Variants in MCTP1 observed in about 807,000 individuals in gnomAD.
MCTP1 encodes the protein multiple C2 and transmembrane domain-containing protein 1.
Under a neutral mutation model 120.6 loss-of-function variants are expected in MCTP1, and 69 were observed. The ratio of observed to expected loss-of-function variants is 0.57; its 90% confidence interval spans 0.47 to 0.70. The LOEUF is 0.70. Among genes scored for constraint, MCTP1 ranks in the 30% least tolerant of loss-of-function variants. MCTP1 has a pLI of 0.00. For synonymous variants in MCTP1, 529 were observed against 493.1 expected (o/e 1.07, Z -0.96); for missense variants, 1,203 against 1,248.8 (o/e 0.96, Z 0.55).
intron 20 of MCTP1, among the ~76,000 whole-genome samples, 167 bp downstream of exon 20, chr5:94,714,610 A>G (rs1332955287): frequency 3.3e-5 from 5 of 152,220 alleles, no homozygotes; most frequent in African/African-American, 1.2e-4. Context: ...CAGAACTTTC[A>G]TAAAGCCAAA....
intron 2 of MCTP1, among the ~76,000 whole-genome samples, chr5:94,964,518 T>A (rs899169094): frequency 2.0e-5 from 3 of 152,196 alleles, no homozygotes; most frequent in Non-Finnish European, 2.9e-5. Context: ...TTGCCCTATA[T>A]TTGTAGGTGC....
intron 1 of MCTP1, among the ~76,000 whole-genome samples, chr5:95,251,829 C>T (rs1757412150): frequency 6.6e-6 from 1 of 151,984 alleles, no homozygotes; most frequent in South Asian, 2.1e-4. Flanking sequence ...CTATTATCCA[C>T]AATTAATAGA....
At chr5:95,074,399 G>C (rs2152272762) in intron 1 of MCTP1, among the ~76,000 whole-genome samples, 1 of 152,302 alleles carries the variant, frequency 6.6e-6, no homozygotes, top group South Asian at 2.1e-4. Flanking sequence ...CAACTCCTAG[G>C]GCATTACTAC....
At chr5:94,837,838 A>C (rs1411534323) in intron 17 of MCTP1, among the ~76,000 whole-genome samples, 2 of 152,220 alleles carry the variant, frequency 1.3e-5, no homozygotes, top group Non-Finnish European at 2.9e-5. Flanking sequence ...CTTCATGCTC[A>C]CATAAGGCTA....
chr5:94,904,135 C>A (rs1381732519), intron 10 of MCTP1, among the ~76,000 whole-genome samples: 1 of 152,204 alleles, frequency 6.6e-6, no homozygotes, highest in Non-Finnish European at 1.5e-5. Context: ...ATTTGTTGTT[C>A]AAACTTGCAA....
At chr5:94,993,621 C>A (rs1275770758) in intron 2 of MCTP1, among the ~76,000 whole-genome samples, 5 of 152,142 alleles carry the variant, frequency 3.3e-5, no homozygotes, top group Non-Finnish European at 7.4e-5. Flanking sequence ...CTCTAAATGG[C>A]ATAGTTTTGG....
At chr5:94,920,642 T>G (rs902267511) in intron 7 of MCTP1, among the ~76,000 whole-genome samples, 6 of 151,728 alleles carry the variant, frequency 4.0e-5, no homozygotes, top group Non-Finnish European at 8.8e-5. Flanking sequence ...CTCGGGAGGC[T>G]GAGGTAGGAG....
rs367826161 is a variant in MCTP1 at position 94,786,766 on chromosome 5, TTTTTA to T, written c.2557-7608_2557-7604del. Among the ~76,000 whole-genome samples the T allele has an allele frequency of 7.2e-3, 1,099 of 152,346 alleles. 16 individuals carry two copies. Among genetic ancestry groups the T allele is most frequent in the African/African-American group, 0.025 (1,024 of 41,570 alleles). On this transcript the variant is annotated intron_variant, in intron 18 of 22. Coordinates refer to ENST00000515393, the MANE Select transcript of MCTP1 (RefSeq NM_024717.7). ...TTTAGGTAAGATTTATGTTGATTTT[TTTTTA>T]TTTCTCATTTAATGGCAAATTATGA...
At chr5:95,010,049 A>C (rs1273867216) in intron 2 of MCTP1, among the ~76,000 whole-genome samples, 1 of 152,116 alleles carries the variant, frequency 6.6e-6, no homozygotes, top group African/African-American at 2.4e-5. Flanking sequence ...GATATGAGAC[A>C]TAGGGGGCAT....
At chr5:94,741,967 A>AACC (rs1161163891) in intron 19 of MCTP1, among the ~76,000 whole-genome samples, 1 of 152,178 alleles carries the variant, frequency 6.6e-6, no homozygotes, top group Admixed American at 6.5e-5. Context: ...TAAAATGCTT[A>AACC]ACCCAGTGCT....
chr5:94,812,379 G>A (rs1783602495), intron 17 of MCTP1, among the ~76,000 whole-genome samples: 1 of 151,136 alleles, frequency 6.6e-6, no homozygotes, highest in Non-Finnish European at 1.5e-5. Context: ...GTGAGCTATT[G>A]GTAGATGGCT....
intron 3 of MCTP1, among the ~76,000 whole-genome samples, chr5:94,951,474 T>C (rs559014928): frequency 1.3e-5 from 2 of 152,328 alleles, no homozygotes; most frequent in Non-Finnish European, 2.9e-5. Context: ...AATAAACTTC[T>C]TTCTTCTCAT....
rs1800365792 is a variant in MCTP1, at chr5:94,882,594, C to T, written c.1933+6285G>A. Reference sequence around the variant, plus strand: ...TTCTAGCATCATGAAGGTATTTCTTCAAGCACTGAGTGAAATCCTAGAGCT... The same window carrying T: ...TTCTAGCATCATGAAGGTATTTCTTTAAGCACTGAGTGAAATCCTAGAGCT... On this transcript the variant is annotated intron_variant, in intron 12 of 22. Coordinates refer to ENST00000515393, the MANE Select transcript of MCTP1 (RefSeq NM_024717.7). 4.6e-5 allele frequency among the ~76,000 whole-genome samples: 7 copies of T among 152,122 alleles called. No homozygotes were observed. In the South Asian group the frequency reaches 1.5e-3, roughly 32 times the overall value.
rs1464359226 is a variant in MCTP1, at chr5:94,705,416, G to T, written c.*2080C>A. On this transcript the variant is annotated 3_prime_UTR_variant, in exon 23 of 23. Transcript: ENST00000515393. ...TAAGAGTCAGAGTTTCAGGAAAAAG[G>T]TCTTATTTGTTTAAACCAAATCTGT... 2 of 148,858 alleles carry T rather than the reference G, an allele frequency of 1.3e-5. No homozygotes were observed. The highest frequency in any genetic ancestry group is 2.0e-4 in the East Asian group (1 of 5,028). The allele number at this position is 148,858 out of a possible 1,614,324, so 9.2% of individuals were successfully genotyped here.
intron 1 of MCTP1, among the ~76,000 whole-genome samples, chr5:95,033,544 C>T (rs889263684): frequency 1.3e-5 from 2 of 152,080 alleles, no homozygotes; most frequent in African/African-American, 4.8e-5. Context: ...ATGATAAAAA[C>T]TCTCAACAAA....
At position 95,030,018 on chromosome 5, in the gene MCTP1, C is replaced by T. The variant is rs144601498; in HGVS notation, c.721-12534G>A. On this transcript the variant is annotated intron_variant, in intron 1 of 22. Coordinates refer to ENST00000515393, the MANE Select transcript of MCTP1 (RefSeq NM_024717.7). ...CTAGCAAGGGAGGACAGATAAGTTG[C>T]AGAGTTGCCTGATCTGGCCGGGGAA... is the stretch of plus-strand genomic sequence containing the variant. 9.2e-4 allele frequency among the ~76,000 whole-genome samples: 140 copies of T among 152,330 alleles called. 2 individuals carry two copies. The East Asian group carries it at 0.012, about 13-fold the overall frequency.
chr5:95,142,378 G>C (rs1269471093), intron 1 of MCTP1, among the ~76,000 whole-genome samples: 1 of 152,162 alleles, frequency 6.6e-6, no homozygotes, highest in African/African-American at 2.4e-5. Context: ...AATAGAACAC[G>C]AGATTATAAT....
chr5:95,276,091 G>C (rs570211800), intron 1 of MCTP1, among the ~76,000 whole-genome samples: 1 of 152,076 alleles, frequency 6.6e-6, no homozygotes, highest in Admixed American at 6.5e-5. Context: ...CTTTCTGGAG[G>C]GAGGATTTGG....
chr5:94,773,000 G>A (rs777019853), intron 19 of MCTP1, among the ~76,000 whole-genome samples: 1 of 152,154 alleles, frequency 6.6e-6, no homozygotes, highest in Non-Finnish European at 1.5e-5. Flanking sequence ...CCCTCCAGTT[G>A]TAATGTTGCT....
Sources: allele counts gnomAD v4.1 joint callset (sites outside exome capture counted in the v4.1 genomes callset), GRCh38; gene constraint gnomAD v4.1.1; transcripts MANE v1.5; gene names NCBI Gene and HGNC (gene_info 2026-07-23, HGNC 2026-07-21).